The following PTPN1 variants were observed in gnomAD, a reference collection of about 807,000 sequenced individuals.
The protein encoded by PTPN1 is tyrosine-protein phosphatase non-receptor type 1.
PTPN1 carries 12 observed loss-of-function variants against 59.9 expected under a neutral mutation model. The observed-to-expected ratio is 0.20, with a 90% CI of 0.13 to 0.32. The LOEUF is 0.32. Among genes scored for constraint, PTPN1 ranks in the 10% least tolerant of loss-of-function variants. The pLI is 1.00. For synonymous variants in PTPN1, 178 were observed against 203.6 expected (o/e 0.87, Z 1.07); for missense variants, 356 against 549.2 (o/e 0.65, Z 3.52).
intron 7 of PTPN1, 115 bp downstream of exon 7, chr20:50,579,444 C>A: frequency 8.0e-7 from 1 of 1,246,608 alleles, no homozygotes; most frequent in Non-Finnish European, 1.1e-6. Flanking sequence ...AAATAGCTAC[C>A]CTTCATGTTT....
chr20:50,538,565 A>G (rs1355278123), intron 1 of PTPN1, among the ~76,000 whole-genome samples: 1 of 152,264 alleles, frequency 6.6e-6, no homozygotes, highest in Non-Finnish European at 1.5e-5. Context: ...AGGCACTGCC[A>G]GACTGTGAAC....
chr20:50,568,551 T>C lies in PTPN1; in HGVS notation c.354+73T>C. On this transcript the variant is annotated intron_variant, in intron 4 of 9. Transcript: ENST00000371621. This position sits in a 1 kb window ranked among gnomAD's most constrained non-coding sequence, Gnocchi z 5.6. ...CATATAGTTACCATTTTCGTCCAGA[T>C]TTTTAAATTATTTTTCTTGCCTTTG... The C allele has an allele frequency of 1.6e-6, 2 of 1,246,004 alleles. No individual in the cohort carries two copies. The highest frequency in any genetic ancestry group is 2.3e-6 in the Non-Finnish European group (2 of 856,412). The allele number at this position is 1,246,004 out of a possible 1,614,324, so 77.2% of individuals were successfully genotyped here.
chr20:50,562,976 A>G (rs550882527), intron 2 of PTPN1: 14 of 151,850 alleles, frequency 9.2e-5, no homozygotes, highest in South Asian at 8.3e-4. Flanking sequence ...TTTTACAGAG[A>G]AAAAAAACCA....
intron 1 of PTPN1, among the ~76,000 whole-genome samples, chr20:50,527,446 C>T (rs544744744): frequency 7.9e-5 from 12 of 152,184 alleles, no homozygotes; most frequent in Middle Eastern, 3.4e-3. Context: ...CGGCTTCAGG[C>T]GATTCTCCTG....
At chr20:50,579,102 C>T (rs187757884) in intron 6 of PTPN1, 66 bp from the exon 7 acceptor site, 27 of 1,514,314 alleles carry the variant, frequency 1.8e-5, no homozygotes, top group Admixed American at 8.5e-5. Flanking sequence ...AGACATCTAA[C>T]GGTGTTATTA....
chr20:50,554,674 G>A (rs2082718460), intron 1 of PTPN1, among the ~76,000 whole-genome samples: 1 of 151,878 alleles, frequency 6.6e-6, no homozygotes, highest in South Asian at 2.1e-4. Context: ...TATGATAATA[G>A]CATAAAGGAT....
At chr20:50,570,689 C>G (rs2082803839) in intron 4 of PTPN1, among the ~76,000 whole-genome samples, 1 of 152,218 alleles carries the variant, frequency 6.6e-6, no homozygotes, top group African/African-American at 2.4e-5. Flanking sequence ...ACCCTCAGCA[C>G]TACTGACACT....
intron 1 of PTPN1, among the ~76,000 whole-genome samples, chr20:50,556,566 A>G (rs2082726898): frequency 6.6e-6 from 1 of 152,226 alleles, no homozygotes. Context: ...ATAAATAAGT[A>G]AGCAGAATAG....
chr20:50,540,408 A>G (rs1400062824), intron 1 of PTPN1, among the ~76,000 whole-genome samples: 1 of 152,200 alleles, frequency 6.6e-6, no homozygotes, highest in East Asian at 1.9e-4. Flanking sequence ...ATTATGAGAG[A>G]GAAGGGGGTG....
chr20:50,554,319 C>A (rs2082716155), intron 1 of PTPN1, among the ~76,000 whole-genome samples: 1 of 151,476 alleles, frequency 6.6e-6, no homozygotes, highest in Non-Finnish European at 1.5e-5. Flanking sequence ...CCCAGTAGTT[C>A]AAGGCTGGAG....
chr20:50,567,436 T>TA (rs554480073), intron 3 of PTPN1, among the ~76,000 whole-genome samples: 42 of 150,376 alleles, frequency 2.8e-4, no homozygotes, highest in Middle Eastern at 3.4e-3. Flanking sequence ...CAAAAAAAAT[T>TA]AAAAAAAAAT....
intron 1 of PTPN1, among the ~76,000 whole-genome samples, chr20:50,516,061 T>C (rs1282753406): frequency 6.6e-6 from 1 of 152,224 alleles, no homozygotes; most frequent in African/African-American, 2.4e-5. Flanking sequence ...GGAGGTAATA[T>C]GTTTGTCTCT....
At chr20:50,536,455 A>G (rs1421603357) in intron 1 of PTPN1, among the ~76,000 whole-genome samples, 1 of 152,224 alleles carries the variant, frequency 6.6e-6, no homozygotes, top group Non-Finnish European at 1.5e-5. Flanking sequence ...GGAAAGAAAA[A>G]TAAAAGATGC....
At chr20:50,532,420 A>G (rs1278829682) in intron 1 of PTPN1, among the ~76,000 whole-genome samples, 1 of 152,210 alleles carries the variant, frequency 6.6e-6, no homozygotes, top group African/African-American at 2.4e-5. Context: ...CAAAATGGTA[A>G]TCAAGCATGA....
intron 1 of PTPN1, among the ~76,000 whole-genome samples, chr20:50,523,035 G>C (rs1417934191): frequency 6.6e-6 from 1 of 151,938 alleles, no homozygotes; most frequent in African/African-American, 2.4e-5. Context: ...CAAAGTGTTG[G>C]GATTACAGGC....
intron 1 of PTPN1, among the ~76,000 whole-genome samples, chr20:50,542,002 C>T (rs2082655204): frequency 1.3e-5 from 2 of 152,156 alleles, no homozygotes; most frequent in African/African-American, 2.4e-5. Flanking sequence ...CTGATCAGTA[C>T]TTTCTACTCA....
chr20:50,570,293 G>T (rs1601411810), intron 4 of PTPN1, among the ~76,000 whole-genome samples: 2 of 152,066 alleles, frequency 1.3e-5, no homozygotes, highest in African/African-American at 4.8e-5. Context: ...AATCATAGGG[G>T]TTTGGTTTGT....
rs984216048 is a variant in PTPN1 at position 50,585,017 on chromosome 20, G to A, written c.*2302G>A. On this transcript the variant is annotated 3_prime_UTR_variant, in exon 10 of 10. Coordinates refer to ENST00000371621, the MANE Select transcript of PTPN1 (RefSeq NM_002827.4). ...CTTCCCAAATTGACGCTTTGCCTGTGTAGGGCCCTCAGATAACTTAACAAA... is the reference window on the plus strand; with the variant it reads ...CTTCCCAAATTGACGCTTTGCCTGTATAGGGCCCTCAGATAACTTAACAAA... 1.3e-5 allele frequency: 2 copies of A among 152,166 alleles called. No individual in the cohort carries two copies. Among genetic ancestry groups the A allele is most frequent in the Non-Finnish European group, 1.5e-5 (1 of 68,034 alleles). 9.4% of individuals were successfully genotyped at this position (152,166 alleles called of 1,614,324 possible).
At chr20:50,540,950 T>C (rs6020592) in intron 1 of PTPN1, among the ~76,000 whole-genome samples, 3 of 152,294 alleles carry the variant, frequency 2.0e-5, no homozygotes, top group African/African-American at 7.2e-5. Flanking sequence ...CTTCTTGATA[T>C]CCTAGCCATC....
Sources: allele counts gnomAD v4.1 joint callset (sites outside exome capture counted in the v4.1 genomes callset), GRCh38; gene constraint gnomAD v4.1.1; non-coding constraint Gnocchi (gnomAD v3.1); transcripts MANE v1.5; gene names NCBI Gene and HGNC (gene_info 2026-07-23, HGNC 2026-07-21).